Variants in ADGRF3 observed in about 807,000 individuals in gnomAD.
ADGRF3 encodes G protein-coupled receptor 113.
Under a neutral mutation model 93.2 loss-of-function variants are expected in ADGRF3, and 85 were observed. The ratio of observed to expected loss-of-function variants is 0.91; its 90% confidence interval spans 0.77 to 1.09. The LOEUF (loss-of-function observed/expected upper bound fraction) is 1.09. ADGRF3 is among the 50% of genes least tolerant of loss of function. ADGRF3 has a pLI of 0.00. For missense variants in ADGRF3, 1,125 were observed against 1,246.2 expected (o/e 0.90, Z 1.46); for synonymous variants, 534 against 532.5 (o/e 1.00, Z -0.04).
rs749951095 is a variant in ADGRF3, at chr2:26,312,987, C to A, written c.1405G>T (p.Val469Leu). The A allele has an allele frequency of 6.2e-7, 1 of 1,613,754 alleles. No homozygotes were observed. The highest frequency in any genetic ancestry group is 8.5e-7 in the Non-Finnish European group (1 of 1,179,834). The part of the protein sequence containing the change: ...LLSTMKYVAK[V>L]VAEARIQLDR... The stretch of plus-strand genomic sequence containing the variant: ...AGCTGTATTCTGGCCTCTGCCACCA[C>A]CTTGGCCACGTATTTCATGGTGCTC... The change falls in exon 9 of 14, where the codon GTG becomes TTG. Residue 469 changes from valine to leucine, a missense_variant. Transcript: ENST00000651242.
intron 1 of ADGRF3, among the ~76,000 whole-genome samples, chr2:26,328,124 T>C (rs1274370767): frequency 6.6e-6 from 1 of 152,210 alleles, no homozygotes; most frequent in African/African-American, 2.4e-5. Context: ...AAATATATGG[T>C]CTTTGCAGTA....
chr2:26,329,216 G>A lies in ADGRF3; in HGVS notation c.115-11654C>T, dbSNP rs140318694. ...AGTGGCACAATCATGGCTCACTGCC[G>A]CCTTGACCTCGTGGGCTCAAGTGAG... On this transcript the variant is annotated intron_variant, in intron 1 of 13. Coordinates refer to ENST00000651242, the MANE Select transcript of ADGRF3 (RefSeq NM_001321971.2). 1.6e-3 allele frequency among the ~76,000 whole-genome samples: 247 copies of A among 152,126 alleles called. 1 individual carries two copies. Among genetic ancestry groups the A allele is most frequent in the African/African-American group, 1.4e-3 (57 of 41,502 alleles).
intron 9 of ADGRF3, 113 bp from the exon 10 acceptor site, chr2:26,312,187 C>G: frequency 9.4e-7 from 1 of 1,068,798 alleles, no homozygotes; most frequent in Non-Finnish European, 1.3e-6. Context: ...GTGTGCGACC[C>G]AAGGTTGGAG....
intron 9 of ADGRF3, 141 bp from the exon 10 acceptor site, chr2:26,312,215 A>G: frequency 1.2e-6 from 1 of 861,316 alleles, no homozygotes; most frequent in South Asian, 1.7e-5. Context: ...GGAGAGGAAG[A>G]CAGGCCTGTG....
At chr2:26,334,382 G>C (rs1403788743) in intron 1 of ADGRF3, among the ~76,000 whole-genome samples, 2 of 151,302 alleles carry the variant, frequency 1.3e-5, no homozygotes, top group Non-Finnish European at 2.9e-5. Context: ...TTATTTGCAA[G>C]CCTTACCCCT....
rs150127093 is a variant in ADGRF3 at position 26,339,327 on chromosome 2, C to G, written c.114+6794G>C. 6.2e-3 allele frequency among the ~76,000 whole-genome samples: 949 copies of G among 151,986 alleles called. 8 individuals carry two copies. Among genetic ancestry groups the G allele is most frequent in the South Asian group, 0.049 (235 of 4,816 alleles). On this transcript the variant is annotated intron_variant, in intron 1 of 13. Transcript: ENST00000651242. ...CTTGGTCAACATGGTGAAACCCCAC[C>G]TCTACTAAAAATACCAAAAAATTAG...
In ADGRF3 at chr2:26,318,151, C is replaced by T. The variant is rs11893097; in HGVS notation, c.115-589G>A. 3,886 of 1,412,010 alleles carry T rather than the reference C, an allele frequency of 2.8e-3. 98 individuals carry two copies. The African/African-American group carries it at 0.05, about 18-fold the overall frequency. The allele number at this position is 1,412,010 out of a possible 1,614,324, so 87.5% of individuals were successfully genotyped here. On this transcript the variant is annotated intron_variant, in intron 1 of 13. Coordinates refer to ENST00000651242, the MANE Select transcript of ADGRF3 (RefSeq NM_001321971.2). ...GGTAGGGAGGTGAGGATGGAGCTGG[C>T]CCAAGGAGAGAGAACATGGCAGTCC...
chr2:26,317,107 C>G lies in ADGRF3; in HGVS notation c.182-52G>C, dbSNP rs146606876. ...GAGGACAGGCAGCGAGGCCACAAGC[C>G]GGTCCCCTCTGGATTCTCTCACCTA... On this transcript the variant is annotated intron_variant, in intron 2 of 13. Coordinates refer to ENST00000651242, the MANE Select transcript of ADGRF3 (RefSeq NM_001321971.2). 4.4e-4 allele frequency: 690 copies of G among 1,554,260 alleles called. 2 individuals carry two copies. The African/African-American group carries it at 4.8e-3, about 11-fold the overall frequency.
chr2:26,309,567 G>T lies in ADGRF3; in HGVS notation c.2952C>A (p.Gly984=). 1.2e-6 allele frequency: 2 copies of T among 1,612,722 alleles called. No individual in the cohort carries two copies. The highest frequency in any genetic ancestry group is 1.7e-6 in the Non-Finnish European group (2 of 1,179,550). ...SSTISLATNE[G]CILEHSKGGS... is the part of the protein sequence containing the mutation. ...CTCCTTTGCTGTGTTCCAAGATGCA[G>T]CCTTCATTTGTGGCCTAGGAAGGGG... Residue 984 remains glycine, a synonymous_variant, in exon 13 of 14, where the codon GGC becomes GGA. Transcript: ENST00000651242.
Position 26,346,208 on chromosome 2 carries a change from G to C in ADGRF3, c.27C>G (p.His9Gln), listed in dbSNP as rs1328849701. Residue 9 changes from histidine (H) to glutamine (Q), a missense_variant, in exon 1 of 14, where the codon CAC becomes CAG. His to Gln is a conservative substitution (Grantham distance 24). Coordinates refer to ENST00000651242, the MANE Select transcript of ADGRF3 (RefSeq NM_001321971.2). Reference sequence around the variant, plus strand: ...CCTTGTAGCCGGGAGTCGCTGCCGAGTGGGCGCTCAGTTTTCGGGTCGTCA... The same window carrying C: ...CCTTGTAGCCGGGAGTCGCTGCCGACTGGGCGCTCAGTTTTCGGGTCGTCA... MTTRKLSA[H>Q]SAATPGYKAV... The C allele has an allele frequency of 1.9e-6, 3 of 1,613,624 alleles. No individual in the cohort carries two copies. Among genetic ancestry groups the C allele is most frequent in the Non-Finnish European group, 2.5e-6 (3 of 1,179,668 alleles).
chr2:26,331,340 A>C (rs1675755296), intron 1 of ADGRF3, among the ~76,000 whole-genome samples: 1 of 152,340 alleles, frequency 6.6e-6, no homozygotes, highest in African/African-American at 2.4e-5. Flanking sequence ...ACCTGAGGTC[A>C]GGAGTTCAAG....
intron 13 of ADGRF3, 87 bp from the exon 14 acceptor site, chr2:26,309,194 G>A: frequency 2.5e-6 from 4 of 1,613,830 alleles, no homozygotes; most frequent in Non-Finnish European, 2.5e-6. Flanking sequence ...CCCACCCATG[G>A]CAATCCCTTC....
chr2:26,317,436 C>G, intron 2 of ADGRF3, 60 bp downstream of exon 2: 4 of 1,495,744 alleles, frequency 2.7e-6, no homozygotes, highest in Non-Finnish European at 3.6e-6. Context: ...TCCTGGGTTT[C>G]CACCTCATTC....
rs151256964 is a variant in ADGRF3, at chr2:26,328,372, C to T, written c.115-10810G>A. ...CTGTAGATTTATGTCTTTTATCAGC[C>T]ACTATTTCAAATTGTTTTTCTGCAC... On this transcript the variant is annotated intron_variant, in intron 1 of 13. Transcript: ENST00000651242. 2.4e-3 allele frequency among the ~76,000 whole-genome samples: 366 copies of T among 152,070 alleles called. 2 individuals carry two copies. Among genetic ancestry groups the T allele is most frequent in the African/African-American group, 7.9e-3 (326 of 41,504 alleles).
rs1446100692 is a variant in ADGRF3 at position 26,346,110 on chromosome 2, G to A, written c.114+11C>T. On this transcript the variant is annotated intron_variant, in intron 1 of 13. Transcript: ENST00000651242. ...TACGCGTGCGCGGTGGGCGGAGCGC[G>A]GCTCTCCTACCTTCTCGGGCAGCCC... The A allele has an allele frequency of 1.9e-6, 3 of 1,570,652 alleles. No individual in the cohort carries two copies. Among genetic ancestry groups the A allele is most frequent in the African/African-American group, 2.7e-5 (2 of 73,708 alleles).
chr2:26,312,865 G>A (rs1674306337), intron 9 of ADGRF3, 78 bp downstream of exon 9: 2 of 1,366,710 alleles, frequency 1.5e-6, no homozygotes, highest in Non-Finnish European at 1.0e-6. Context: ...GACATCAGAG[G>A]GACAGAAATG....
chr2:26,312,538 C>T (rs1674269519), intron 9 of ADGRF3, among the ~76,000 whole-genome samples: 1 of 152,216 alleles, frequency 6.6e-6, no homozygotes, highest in Non-Finnish European at 1.5e-5. Context: ...TATCATTGCC[C>T]TTTGTTACAC....
chr2:26,345,153 GATA>G (rs1291138991), intron 1 of ADGRF3, among the ~76,000 whole-genome samples: 1 of 152,144 alleles, frequency 6.6e-6, no homozygotes, highest in East Asian at 1.9e-4. Context: ...TGAAAAAGGG[GATA>G]ATGCCTTTCA....
chr2:26,313,444 C>A lies in ADGRF3; in HGVS notation c.1202G>T (p.Gly401Val). Residue 401 changes from glycine (G) to valine (V), a missense_variant, in exon 8 of 14, where the codon GGA becomes GTA. Gly to Val is a moderately radical substitution (Grantham distance 109). Transcript: ENST00000651242. ...GIVRRLCGAD[G>V]VWGPVHSSCT... is the part of the protein sequence containing the mutation. ...GCTGCTGTGGACCGGCCCCCAGACTCCGTCAGCCCCACAGAGCCTCCTCAC... is the reference window on the plus strand; with the variant it reads ...GCTGCTGTGGACCGGCCCCCAGACTACGTCAGCCCCACAGAGCCTCCTCAC... The A allele has an allele frequency of 1.9e-6, 3 of 1,610,324 alleles. No homozygotes were observed. Among genetic ancestry groups the A allele is most frequent in the Non-Finnish European group, 2.5e-6 (3 of 1,178,414 alleles).
Sources: allele counts gnomAD v4.1 joint callset (sites outside exome capture counted in the v4.1 genomes callset), GRCh38; gene constraint gnomAD v4.1.1; transcripts MANE v1.5; gene names NCBI Gene and HGNC (gene_info 2026-07-23, HGNC 2026-07-21).